Variants in PTPRA observed in about 807,000 individuals in gnomAD.
The protein encoded by PTPRA is receptor-type tyrosine-protein phosphatase alpha.
Under a neutral mutation model 104.8 loss-of-function variants are expected in PTPRA, and 25 were observed. The ratio of observed to expected loss-of-function variants is 0.24; its 90% CI spans 0.17 to 0.33. The LOEUF is 0.33. Ranked by LOEUF, PTPRA falls within the 10% of genes least tolerant of loss-of-function variation. The pLI is 1.00. For missense variants in PTPRA, 765 were observed against 1,015.3 expected (o/e 0.75, Z 3.35); for synonymous variants, 323 against 368.9 (o/e 0.88, Z 1.43).
intron 2 of PTPRA, among the ~76,000 whole-genome samples, chr20:2,942,377 A>T (rs1168576495): frequency 6.6e-6 from 1 of 152,108 alleles, no homozygotes; most frequent in African/African-American, 2.4e-5. Flanking sequence ...CATCAGTGTT[A>T]TACTAGTATT....
At chr20:2,947,183 T>C (rs938511276) in intron 2 of PTPRA, among the ~76,000 whole-genome samples, 6 of 152,208 alleles carry the variant, frequency 3.9e-5, no homozygotes, top group African/African-American at 1.4e-4. Context: ...AGAAAGAAAC[T>C]ATTTCCTCTC....
At chr20:2,868,653 C>T (rs61398939), upstream of PTPRA, among the ~76,000 whole-genome samples, 37 of 114,494 alleles carry the variant, frequency 3.2e-4, no homozygotes, top group African/African-American at 1.3e-3. Flanking sequence ...TTTTTTGTCC[C>T]CAGTCTTGGC....
chr20:2,884,148 G>T (rs1260339852), intron 1 of PTPRA, among the ~76,000 whole-genome samples: 2 of 152,086 alleles, frequency 1.3e-5, no homozygotes, highest in Non-Finnish European at 2.9e-5. Context: ...ATCAATTGAT[G>T]AACATTTATT....
At chr20:2,977,454 T>G (rs2062483341) in intron 6 of PTPRA, among the ~76,000 whole-genome samples, 2 of 152,084 alleles carry the variant, frequency 1.3e-5, no homozygotes, top group East Asian at 1.9e-4. Context: ...CAGACCAGCC[T>G]GAGCAATATG....
chr20:2,885,669 A>G (rs929701450), intron 1 of PTPRA, among the ~76,000 whole-genome samples: 3 of 152,150 alleles, frequency 2.0e-5, no homozygotes, highest in South Asian at 2.1e-4. Context: ...TTTATAGGAT[A>G]TAATTGGCAA....
chr20:3,027,280 C>G, intron 19 of PTPRA, 83 bp downstream of exon 19: 2 of 1,333,568 alleles, frequency 1.5e-6, no homozygotes, highest in Non-Finnish European at 2.2e-6. Flanking sequence ...CCCATACCTG[C>G]TGGGGAGGAT....
chr20:2,924,450 T>G (rs1202186281), intron 2 of PTPRA, among the ~76,000 whole-genome samples: 1 of 152,122 alleles, frequency 6.6e-6, no homozygotes, highest in Non-Finnish European at 1.5e-5. Context: ...ACATGGAATT[T>G]TATTCAGTAA....
In PTPRA at chr20:2,976,199, C is replaced by G. The variant is rs571052127; in HGVS notation, c.442+958C>G. Among the ~76,000 whole-genome samples the G allele has an allele frequency of 3.9e-5, 6 of 152,318 alleles. No homozygotes were observed. In the East Asian group the frequency reaches 1.2e-3, roughly 29 times the overall value. ...CCTCTCACTTTCCTAAACTTGGGAA[C>G]TAAACATTGGATTAATACAGTGTCT... On this transcript the variant is annotated intron_variant, in intron 6 of 23. Transcript: ENST00000399903.
chr20:2,909,755 TAATATA>T (rs1431674609), intron 1 of PTPRA, among the ~76,000 whole-genome samples: 4 of 139,236 alleles, frequency 2.9e-5, no homozygotes, highest in African/African-American at 1.1e-4. Flanking sequence ...ATATATTACA[TAATATA>T]TAATATATAT....
chr20:3,032,573 C>T (rs758935991), intron 20 of PTPRA, among the ~76,000 whole-genome samples: 4 of 151,450 alleles, frequency 2.6e-5, no homozygotes, highest in East Asian at 3.9e-4. Flanking sequence ...CGAGACCAGC[C>T]TGGCCAACAT....
At chr20:3,029,540 CTTTTT>C (rs71195813) in intron 20 of PTPRA, among the ~76,000 whole-genome samples, 1 of 78,080 alleles carries the variant, frequency 1.3e-5, no homozygotes. Flanking sequence ...TCTTCATCAT[CTTTTT>C]TTTTTTTTTT....
At chr20:3,011,154 T>G (rs1311697757) in intron 11 of PTPRA, among the ~76,000 whole-genome samples, 1 of 152,214 alleles carries the variant, frequency 6.6e-6, no homozygotes, top group Non-Finnish European at 1.5e-5. Flanking sequence ...CATAATGCCT[T>G]GATGGTTATT....
intron 20 of PTPRA, among the ~76,000 whole-genome samples, chr20:3,030,545 A>T (rs2065389900): frequency 6.6e-6 from 1 of 152,178 alleles, no homozygotes; most frequent in South Asian, 2.1e-4. Flanking sequence ...GCCTACACTT[A>T]TACAGTGACA....
intron 1 of PTPRA, among the ~76,000 whole-genome samples, chr20:2,920,326 TGGA>T (rs898119392): frequency 3.3e-5 from 5 of 152,048 alleles, no homozygotes; most frequent in Non-Finnish European, 5.9e-5. Flanking sequence ...GAAGACTGGA[TGGA>T]GGAGTGCAAT....
intron 1 of PTPRA, among the ~76,000 whole-genome samples, chr20:2,910,408 G>GTATATTA (rs376392877): frequency 0.42 from 25,696 of 60,754 alleles, 8,827 homozygotes; most frequent in African/African-American, 0.72. Context: ...AATATATTTT[G>GTATATTA]TATATTATAT....
At position 3,007,411 on chromosome 20, in the gene PTPRA, A is replaced by G. The variant is rs151064482; in HGVS notation, c.897A>G (p.Ser299=). ...GVPDSDYINA[S]FINGYQEKNK... is the part of the protein sequence containing the mutation. ...CAGATTCTGATTACATCAATGCTTC[A>G]TTCATCAACGTAAGGATCGGGTGCT... Residue 299 remains serine, a synonymous_variant, in exon 11 of 24, where the codon TCA becomes TCG. Transcript: ENST00000399903. 3.1e-6 allele frequency: 5 copies of G among 1,613,802 alleles called. No homozygotes were observed. The highest frequency in any genetic ancestry group is 2.7e-5 in the African/African-American group (2 of 74,920).
intron 9 of PTPRA, among the ~76,000 whole-genome samples, chr20:2,995,447 AT>A (rs2063360215): frequency 6.6e-6 from 1 of 152,030 alleles, no homozygotes; most frequent in African/African-American, 2.4e-5. Flanking sequence ...TTATTTATGC[AT>A]TTTACCCTCA....
In PTPRA at chr20:3,035,843, G is replaced by A; in HGVS notation, c.2100G>A (p.Val700=). The A allele has an allele frequency of 6.2e-7, 1 of 1,614,188 alleles. No individual in the cohort carries two copies. The highest frequency in any genetic ancestry group is 8.5e-7 in the Non-Finnish European group (1 of 1,180,040). Residue 700 remains valine, a synonymous_variant, in exon 22 of 24, where the codon GTG becomes GTA. Transcript: ENST00000399903. The surrounding 1 kb of genome is among the most constrained non-coding windows in gnomAD (Gnocchi z 5.8). ...TCCACTTCCATGGCTGGCCTGAAGTGGGCATCCCCAGTGACGGAAAGGGCA... is the reference window on the plus strand; with the variant it reads ...TCCACTTCCATGGCTGGCCTGAAGTAGGCATCCCCAGTGACGGAAAGGGCA... ...RQFHFHGWPE[V]GIPSDGKGMI...
intron 1 of PTPRA, among the ~76,000 whole-genome samples, chr20:2,882,451 A>AT (rs1411505050): frequency 4.6e-5 from 7 of 151,240 alleles, no homozygotes; most frequent in Admixed American, 1.3e-4. Flanking sequence ...CACCATACCT[A>AT]TTTTTTTTAT....
Sources: allele counts gnomAD v4.1 joint callset (sites outside exome capture counted in the v4.1 genomes callset), GRCh38; gene constraint gnomAD v4.1.1; non-coding constraint Gnocchi (gnomAD v3.1); transcripts MANE v1.5; gene names NCBI Gene and HGNC (gene_info 2026-07-23, HGNC 2026-07-21).